The following FAM135B variants were observed in gnomAD, a reference collection of about 807,000 sequenced individuals.
FAM135B encodes the protein family with sequence similarity 135 member B.
Under a neutral mutation model 127.7 loss-of-function variants are expected in FAM135B, and 43 were observed. That is an observed-to-expected ratio of 0.34 (90% confidence interval 0.26 to 0.43). The LOEUF (loss-of-function observed/expected upper bound fraction) is 0.43. Among genes scored for constraint, FAM135B ranks in the 20% least tolerant of loss-of-function variants. The pLI, the probability that FAM135B is intolerant of heterozygous loss-of-function variation, is 1.00. For synonymous variants in FAM135B, 670 were observed against 665.1 expected, an observed-to-expected ratio of 1.01 and a Z score of -0.11; for missense variants, 1,558 against 1,725.6, an observed-to-expected ratio of 0.90 and a Z score of 1.72.
At chr8:138,422,802 C>A (rs747162287) in intron 1 of FAM135B, among the ~76,000 whole-genome samples, 1 of 152,114 alleles carries the variant, frequency 6.6e-6, no homozygotes, top group Non-Finnish European at 1.5e-5. Flanking sequence ...ACTGTAAAGA[C>A]ACATATACTC....
At chr8:138,276,177 C>G (rs1250483407) in intron 3 of FAM135B, among the ~76,000 whole-genome samples, 1 of 152,186 alleles carries the variant, frequency 6.6e-6, no homozygotes, top group East Asian at 1.9e-4. Flanking sequence ...AATAAGTCAT[C>G]AGGAGACTCA....
At chr8:138,214,975 G>C (rs1818436746) in intron 7 of FAM135B, among the ~76,000 whole-genome samples, 1 of 152,166 alleles carries the variant, frequency 6.6e-6, no homozygotes, top group South Asian at 2.1e-4. Context: ...GGCAAAAAAA[G>C]CAAAGACACA....
rs1335262743 is a variant in FAM135B at position 138,131,453 on chromosome 8, T to G, written c.*1140A>C. 6.5e-6 allele frequency: 1 copy of G among 152,682 alleles called. No individual in the cohort carries two copies. The highest frequency in any genetic ancestry group is 1.5e-5 in the Non-Finnish European group (1 of 68,048). The allele number at this position is 152,682 out of a possible 1,614,324, so 9.5% of individuals were successfully genotyped here. On this transcript the variant is annotated 3_prime_UTR_variant, in exon 20 of 20. Transcript: ENST00000395297. ...GCTTATGTTGAGTCTTCAGTCTGGT[T>G]GTTCTCCTCCTATCTGATCTCACTT...
chr8:138,379,223 G>T (rs755376293), intron 1 of FAM135B, among the ~76,000 whole-genome samples: 8 of 152,124 alleles, frequency 5.3e-5, no homozygotes, highest in Admixed American at 2.0e-4. Context: ...AAGAGCAGGG[G>T]CTTCAGGGCT....
At chr8:138,201,909 G>GGAGGTC (rs1161570903) in intron 7 of FAM135B, among the ~76,000 whole-genome samples, 1 of 151,934 alleles carries the variant, frequency 6.6e-6, no homozygotes, top group East Asian at 1.9e-4. Flanking sequence ...GCAGATCACA[G>GGAGGTC]GAGGTCGGGA....
intron 1 of FAM135B, among the ~76,000 whole-genome samples, chr8:138,374,226 GA>G (rs1400199566): frequency 6.6e-6 from 1 of 152,140 alleles, no homozygotes; most frequent in Admixed American, 6.5e-5. Flanking sequence ...AGGGAAAATA[GA>G]AAAGAACCTA....
chr8:138,342,563 G>A (rs1316406976), intron 2 of FAM135B, among the ~76,000 whole-genome samples: 1 of 152,142 alleles, frequency 6.6e-6, no homozygotes, highest in Non-Finnish European at 1.5e-5. Context: ...TAGACCCCTG[G>A]GAGAGAGGAG....
At chr8:138,405,009 C>A (rs1279864252) in intron 1 of FAM135B, among the ~76,000 whole-genome samples, 9 of 152,226 alleles carry the variant, frequency 5.9e-5, no homozygotes, top group Middle Eastern at 3.4e-3. Context: ...TTTCCCAAAT[C>A]CAGTAGAGGA....
chr8:138,376,669 T>G (rs72725639), intron 1 of FAM135B, among the ~76,000 whole-genome samples: 5,049 of 152,308 alleles, frequency 0.033, 135 homozygotes, highest in Non-Finnish European at 0.049. Context: ...CTTTCAAAGA[T>G]TCCATCTCTG....
intron 15 of FAM135B, among the ~76,000 whole-genome samples, chr8:138,145,654 G>T (rs563206701): frequency 1.3e-4 from 20 of 152,194 alleles, no homozygotes; most frequent in Admixed American, 8.5e-4. Flanking sequence ...GCAGAACTGA[G>T]CGCCAACAGT....
intron 7 of FAM135B, among the ~76,000 whole-genome samples, chr8:138,235,416 T>C (rs1489401174): frequency 6.6e-6 from 1 of 152,240 alleles, no homozygotes; most frequent in Non-Finnish European, 1.5e-5. Context: ...AGAGATGTCC[T>C]GTCTAGAGAC....
chr8:138,285,680 C>T (rs1241889504), intron 3 of FAM135B, among the ~76,000 whole-genome samples: 1 of 152,180 alleles, frequency 6.6e-6, no homozygotes, highest in Non-Finnish European at 1.5e-5. Flanking sequence ...GAGCAAAGTA[C>T]ACTTACTTCA....
At chr8:138,292,118 T>C (rs1158392404) in intron 3 of FAM135B, among the ~76,000 whole-genome samples, 1 of 152,104 alleles carries the variant, frequency 6.6e-6, no homozygotes, top group Non-Finnish European at 1.5e-5. Flanking sequence ...TGTTTCTGTA[T>C]GCTAACAACA....
chr8:138,206,476 C>T (rs368912806), intron 7 of FAM135B, among the ~76,000 whole-genome samples: 1 of 151,036 alleles, frequency 6.6e-6, no homozygotes, highest in Non-Finnish European at 1.5e-5. Flanking sequence ...ATCCCCTCCA[C>T]CTACACACAG....
chr8:138,381,445 T>C lies in FAM135B; in HGVS notation c.-19-13443A>G, dbSNP rs372414301. 1.7e-3 allele frequency among the ~76,000 whole-genome samples: 266 copies of C among 152,238 alleles called. 2 individuals are homozygous for C. The highest frequency in any genetic ancestry group is 6.1e-3 in the African/African-American group (254 of 41,544). On this transcript the variant is annotated intron_variant, in intron 1 of 19. Transcript: ENST00000395297. ...CCCTCCCTAACAGAAGCCCCCAACC[T>C]TGCCTTGTGCATGTCAAAATAGCCC...
chr8:138,217,871 A>T (rs1818695155), intron 7 of FAM135B, among the ~76,000 whole-genome samples: 3 of 152,120 alleles, frequency 2.0e-5, no homozygotes, highest in Admixed American at 2.0e-4. Flanking sequence ...GAAGAGAAAA[A>T]GTTGAATGTT....
At position 138,388,955 on chromosome 8, in the gene FAM135B, C is replaced by T. The variant is rs1218824409; in HGVS notation, c.-19-20953G>A. ...CTATTTGTTTTATATATATATATCC[C>T]CCCTCTGAAATATCTTGATAGAAAG... On this transcript the variant is annotated intron_variant, in intron 1 of 19. Transcript: ENST00000395297. Among the ~76,000 whole-genome samples, 7 of 151,576 alleles carry T rather than the reference C, an allele frequency of 4.6e-5. 1 individual carries two copies. The highest frequency in any genetic ancestry group is 4.6e-4 in the Admixed American group (7 of 15,206).
chr8:138,408,008 G>C (rs1486371980), intron 1 of FAM135B, among the ~76,000 whole-genome samples: 3 of 152,142 alleles, frequency 2.0e-5, no homozygotes, highest in African/African-American at 7.2e-5. Flanking sequence ...AAATAGATGT[G>C]CTGTAATCCA....
intron 7 of FAM135B, among the ~76,000 whole-genome samples, chr8:138,227,588 A>T (rs1400775457): frequency 1.3e-5 from 2 of 152,290 alleles, no homozygotes; most frequent in African/African-American, 4.8e-5. Context: ...AGCTTAATGT[A>T]TACAGTTTGG....
Sources: allele counts gnomAD v4.1 joint callset (sites outside exome capture counted in the v4.1 genomes callset), GRCh38; gene constraint gnomAD v4.1.1; transcripts MANE v1.5; gene names NCBI Gene and HGNC (gene_info 2026-07-23, HGNC 2026-07-21).